The following NHSL1 variants were observed in gnomAD, a reference collection of about 807,000 sequenced individuals.
The protein encoded by NHSL1 is NHS-like protein 1.
A neutral mutation model predicts 95.0 loss-of-function variants in NHSL1; 48 were observed. That is an observed-to-expected ratio of 0.51 (90% CI 0.40 to 0.64). The LOEUF is 0.64. Among genes scored for constraint, NHSL1 ranks in the 30% least tolerant of loss-of-function variants. The pLI, the probability that NHSL1 is intolerant of heterozygous loss-of-function variation, is 0.00. For missense variants in NHSL1, 1,971 were observed against 2,077.7 expected, an observed-to-expected ratio of 0.95 and a Z score of 1.00; for synonymous variants, 783 against 833.9, an observed-to-expected ratio of 0.94 and a Z score of 1.05.
At chr6:138,610,970 C>G (rs1303198478) in intron 1 of NHSL1, among the ~76,000 whole-genome samples, 2 of 151,860 alleles carry the variant, frequency 1.3e-5, no homozygotes, top group East Asian at 3.9e-4. Context: ...TCCAGCTACT[C>G]AGGAGGCTGA....
At chr6:138,662,803 T>G (rs1474437289) in intron 1 of NHSL1, among the ~76,000 whole-genome samples, 1 of 151,934 alleles carries the variant, frequency 6.6e-6, no homozygotes, top group Admixed American at 6.6e-5. Flanking sequence ...AAAAAAAACC[T>G]GTCTCAGAAG....
At chr6:138,645,854 T>C (rs1785013717) in intron 1 of NHSL1, among the ~76,000 whole-genome samples, 1 of 152,204 alleles carries the variant, frequency 6.6e-6, no homozygotes, top group African/African-American at 2.4e-5. Context: ...GCAGGAATTT[T>C]GGTCTTTTTG....
chr6:138,451,717 A>G (rs1562284019), intron 3 of NHSL1, among the ~76,000 whole-genome samples: 2 of 152,218 alleles, frequency 1.3e-5, no homozygotes, highest in East Asian at 1.9e-4. Flanking sequence ...AAAGTTCACA[A>G]GTGGGCAGTT....
intron 1 of NHSL1, among the ~76,000 whole-genome samples, chr6:138,544,591 A>G (rs1562361371): frequency 6.6e-6 from 1 of 152,220 alleles, no homozygotes; most frequent in Non-Finnish European, 1.5e-5. Flanking sequence ...TCATGAACAG[A>G]CTTTGAGGAC....
chr6:138,649,597 G>T (rs1785062437), intron 1 of NHSL1, among the ~76,000 whole-genome samples: 1 of 152,108 alleles, frequency 6.6e-6, no homozygotes, highest in Non-Finnish European at 1.5e-5. Context: ...CTATATGTGA[G>T]GCATCGCCAT....
intron 1 of NHSL1, among the ~76,000 whole-genome samples, chr6:138,554,418 C>A (rs988319497): frequency 2.0e-5 from 3 of 152,220 alleles, no homozygotes; most frequent in African/African-American, 7.2e-5. Context: ...GGTGCAACTT[C>A]TCCACCCACA....
At position 138,433,320 on chromosome 6, in the gene NHSL1, C is replaced by A. The variant is rs553475406; in HGVS notation, c.1025G>T (p.Gly342Val). ...CATGTCTCCTGCAGGGCCGAGGGCA[C>A]CCAGCCTCGGCTCAAGGGACTGAAT... ...ANIQSLEPRL[G>V]ALGPAGDMNG... The change falls in exon 6 of 8, where the codon GGT (glycine) becomes GTT (valine). Residue 342 changes from glycine (G) to valine (V), a missense_variant. This residue lies in a region of NHSL1 where 1,602 missense variants were observed against 1,654.5 expected (regional missense o/e 0.97). Coordinates refer to ENST00000343505, the MANE Select transcript of NHSL1 (RefSeq NM_001144060.2). 91 of 1,551,662 alleles carry A rather than the reference C, an allele frequency of 5.9e-5. 1 individual carries two copies. In the Admixed American group the frequency reaches 1.8e-3, roughly 30 times the overall value.
At chr6:138,615,851 T>C (rs1292617970) in intron 1 of NHSL1, among the ~76,000 whole-genome samples, 1 of 152,186 alleles carries the variant, frequency 6.6e-6, no homozygotes, top group Admixed American at 6.5e-5. Flanking sequence ...GGAGGGGCAA[T>C]GCCCAAGTTT....
chr6:138,504,999 G>C (rs921996888), intron 1 of NHSL1, among the ~76,000 whole-genome samples: 9 of 152,106 alleles, frequency 5.9e-5, no homozygotes, highest in African/African-American at 1.4e-4. Flanking sequence ...TTTATCTTTA[G>C]TATGATCTTA....
intron 1 of NHSL1, among the ~76,000 whole-genome samples, chr6:138,557,876 C>A (rs908454053): frequency 5.3e-5 from 8 of 152,184 alleles, no homozygotes; most frequent in Non-Finnish European, 1.0e-4. Flanking sequence ...GAAAAAAGAC[C>A]ATGCATGACT....
intron 1 of NHSL1, among the ~76,000 whole-genome samples, chr6:138,527,404 C>A (rs1464124498): frequency 1.3e-5 from 2 of 152,108 alleles, no homozygotes; most frequent in Non-Finnish European, 2.9e-5. Flanking sequence ...AAAAAAGTTT[C>A]TCTTCTTTTT....
At chr6:138,673,303 G>A (rs1454368799) in intron 1 of NHSL1, among the ~76,000 whole-genome samples, 1 of 150,606 alleles carries the variant, frequency 6.6e-6, no homozygotes, top group Non-Finnish European at 1.5e-5. Context: ...GGGTGAGGGG[G>A]CAGTATTTAA....
chr6:138,473,284 C>T (rs760910617), intron 3 of NHSL1, 22 bp downstream of exon 3: 7 of 1,515,348 alleles, frequency 4.6e-6, no homozygotes, highest in South Asian at 2.6e-5. Flanking sequence ...CCCAGGACCC[C>T]GTGTTGAACT....
At chr6:138,607,452 G>T (rs1397470531) in intron 1 of NHSL1, among the ~76,000 whole-genome samples, 1 of 152,130 alleles carries the variant, frequency 6.6e-6, no homozygotes, top group African/African-American at 2.4e-5. Flanking sequence ...AGCAAACAAA[G>T]AATATTATAG....
At chr6:138,641,226 A>T (rs577697547) in intron 1 of NHSL1, among the ~76,000 whole-genome samples, 1 of 152,340 alleles carries the variant, frequency 6.6e-6, no homozygotes, top group South Asian at 2.1e-4. Context: ...TTACTAAAAC[A>T]AGCACTTAGT....
intron 1 of NHSL1, among the ~76,000 whole-genome samples, chr6:138,570,306 T>C (rs559147059): frequency 1.1e-3 from 160 of 152,232 alleles, no homozygotes; most frequent in Non-Finnish European, 2.0e-3. Flanking sequence ...ACAGCACTAC[T>C]GAATCCACCC....
chr6:138,470,708 C>A (rs1778696096), intron 3 of NHSL1: 1 of 152,222 alleles, frequency 6.6e-6, no homozygotes, highest in South Asian at 2.1e-4. Context: ...GCCATGAGGG[C>A]AGACACTGTA....
chr6:138,531,213 T>C (rs1389548187), intron 1 of NHSL1, among the ~76,000 whole-genome samples: 1 of 152,206 alleles, frequency 6.6e-6, no homozygotes, highest in Non-Finnish European at 1.5e-5. Flanking sequence ...AAAATTAAAC[T>C]GTTTGTCTGC....
At chr6:138,597,392 G>A (rs997431030) in intron 1 of NHSL1, among the ~76,000 whole-genome samples, 15 of 152,116 alleles carry the variant, frequency 9.9e-5, no homozygotes, top group Non-Finnish European at 1.8e-4. Flanking sequence ...TAAAATCTAC[G>A]TAACTATTGA....
Sources: allele counts gnomAD v4.1 joint callset (sites outside exome capture counted in the v4.1 genomes callset), GRCh38; gene constraint gnomAD v4.1.1; regional missense constraint gnomAD v4.1.1; transcripts MANE v1.5; gene names NCBI Gene and HGNC (gene_info 2026-07-23, HGNC 2026-07-21).